The following AKAIN1 variants were observed in gnomAD, a reference collection of about 807,000 sequenced individuals.
The protein encoded by AKAIN1 is A-kinase anchor inhibitor 1, also known as A-kinase anchor protein inhibitor 1.
In AKAIN1, 3 loss-of-function variants were observed where a neutral mutation model predicts 3.7. That is an observed-to-expected ratio of 0.82 (90% CI 0.37 to 2.12). The LOEUF is 2.12. Ranked by LOEUF, AKAIN1 falls within the 30% of genes most tolerant of loss-of-function variation. The pLI is 0.06. For synonymous variants in AKAIN1, 31 were observed against 30.8 expected, an observed-to-expected ratio of 1.01 and a Z score of -0.02; for missense variants, 82 against 82.7, an observed-to-expected ratio of 0.99 and a Z score of 0.03.
intron 1 of AKAIN1, among the ~76,000 whole-genome samples, chr18:5,192,385 T>C (rs965976159): frequency 6.5e-5 from 7 of 106,990 alleles, no homozygotes; most frequent in Admixed American, 6.1e-4. Context: ...ACAGAGCTAA[T>C]TTTCTTTCTT....
chr18:5,184,833 A>G (rs537828370), intron 1 of AKAIN1, among the ~76,000 whole-genome samples: 2 of 152,222 alleles, frequency 1.3e-5, no homozygotes, highest in Non-Finnish European at 2.9e-5. Flanking sequence ...ACAGAATTAG[A>G]AAAAAACTAT....
intron 1 of AKAIN1, among the ~76,000 whole-genome samples, chr18:5,187,985 T>C (rs898777363): frequency 1.3e-5 from 2 of 152,066 alleles, no homozygotes; most frequent in African/African-American, 4.8e-5. Flanking sequence ...ATGCATAGGA[T>C]AGGCATTCCC....
In AKAIN1 at chr18:5,155,581, C is replaced by T. The variant is rs373930162; in HGVS notation, c.17-9826G>A. On this transcript the variant is annotated intron_variant, in intron 1 of 1. Coordinates refer to ENST00000434239, the MANE Select transcript of AKAIN1 (RefSeq NM_001145194.2). ...TGTAGCCCTCTATGAGAAACAAGCTCTCCTTTCCAAATGTATGAACCGCGT... is the reference window on the plus strand; with the variant it reads ...TGTAGCCCTCTATGAGAAACAAGCTTTCCTTTCCAAATGTATGAACCGCGT... Among the ~76,000 whole-genome samples, 83 of 152,292 alleles carry T rather than the reference C, an allele frequency of 5.5e-4. No homozygotes were observed. The East Asian group carries it at 0.011, about 21-fold the overall frequency.
chr18:5,166,669 A>G (rs2071169566), intron 1 of AKAIN1, among the ~76,000 whole-genome samples: 1 of 152,166 alleles, frequency 6.6e-6, no homozygotes, highest in Non-Finnish European at 1.5e-5. Context: ...AAAGAAGGTC[A>G]GAACCTGATT....
chr18:5,196,944 G>A lies in AKAIN1; in HGVS notation c.16+94C>T, dbSNP rs1240406675. ...CAGTAACTCCGAAACGCGCAGATGG[G>A]CCGTAAGGTAAAGAGGCCTTTTTTC... On this transcript the variant is annotated intron_variant, in intron 1 of 1. Coordinates refer to ENST00000434239, the MANE Select transcript of AKAIN1 (RefSeq NM_001145194.2). 4.4e-6 allele frequency: 5 copies of A among 1,129,612 alleles called. No homozygotes were observed. In the African/African-American group the frequency reaches 7.7e-5, roughly 18 times the overall value. 70.0% of individuals were successfully genotyped at this position (1,129,612 alleles called of 1,614,324 possible). A position where few individuals can be genotyped will look rare whatever the true frequency, so the allele number is the denominator to read the frequency against.
chr18:5,190,806 C>A lies in AKAIN1; in HGVS notation c.16+6232G>T, dbSNP rs367604791. ...CATATGGCAGAGAAAGAGATAATAT[C>A]TCTCATGTCTCTTTCTGTAAAGTTA... On this transcript the variant is annotated intron_variant, in intron 1 of 1. Transcript: ENST00000434239. Among the ~76,000 whole-genome samples the A allele has an allele frequency of 3.3e-5, 5 of 152,122 alleles. No homozygotes were observed. The East Asian group carries it at 7.7e-4, about 23-fold the overall frequency.
intron 1 of AKAIN1, among the ~76,000 whole-genome samples, chr18:5,173,917 G>A (rs547347507): frequency 6.6e-6 from 1 of 152,048 alleles, no homozygotes; most frequent in South Asian, 2.1e-4. Context: ...ATTAACTCTG[G>A]GCAGGCTGGG....
At position 5,193,136 on chromosome 18, in the gene AKAIN1, T is replaced by G. The variant is rs187829742; in HGVS notation, c.16+3902A>C. Among the ~76,000 whole-genome samples, 386 of 152,300 alleles carry G rather than the reference T, an allele frequency of 2.5e-3. 4 individuals are homozygous for G. The highest frequency in any genetic ancestry group is 8.9e-3 in the African/African-American group (368 of 41,568). On this transcript the variant is annotated intron_variant, in intron 1 of 1. Coordinates refer to ENST00000434239, the MANE Select transcript of AKAIN1 (RefSeq NM_001145194.2). ...TTATAAATACCTTGCAATAAATACT[T>G]TCTTATATGTATTTGGAAATTCTTT...
intron 1 of AKAIN1, among the ~76,000 whole-genome samples, chr18:5,151,537 C>T (rs1489417168): frequency 6.6e-6 from 1 of 152,182 alleles, no homozygotes; most frequent in Non-Finnish European, 1.5e-5. Context: ...AAATCAGAAG[C>T]ATTTTAGGTA....
intron 1 of AKAIN1, among the ~76,000 whole-genome samples, chr18:5,164,138 A>T (rs1485140993): frequency 6.6e-6 from 1 of 152,102 alleles, no homozygotes; most frequent in Non-Finnish European, 1.5e-5. Context: ...GAAAAAGTAC[A>T]GTGAAAAAAC....
intron 1 of AKAIN1, among the ~76,000 whole-genome samples, chr18:5,181,948 A>C (rs942536088): frequency 1.3e-5 from 2 of 152,152 alleles, no homozygotes; most frequent in Admixed American, 1.3e-4. Flanking sequence ...CCCTCACCAG[A>C]AAATCATCAT....
intron 1 of AKAIN1, among the ~76,000 whole-genome samples, chr18:5,167,665 T>C (rs1366742303): frequency 6.6e-6 from 1 of 152,116 alleles, no homozygotes. Flanking sequence ...GTAACAGTGC[T>C]TTGAGTTTTA....
At chr18:5,157,686 T>C (rs1316620607) in intron 1 of AKAIN1, among the ~76,000 whole-genome samples, 6 of 152,160 alleles carry the variant, frequency 3.9e-5, no homozygotes, top group Non-Finnish European at 8.8e-5. Flanking sequence ...AAATTTTGAC[T>C]TAGAAACTTT....
At chr18:5,152,563 C>CTGGTTGTTGTCTCTGGGTTGTCTCTGG (rs1358088630) in intron 1 of AKAIN1, among the ~76,000 whole-genome samples, 28 of 152,228 alleles carry the variant, frequency 1.8e-4, no homozygotes, top group Admixed American at 5.9e-4. Flanking sequence ...CCCAGTGTCT[C>CTGGTTGTTGTCTCTGGGTTGTCTCTGG]CACGTATTGA....
chr18:5,188,608 G>A (rs1308245127), intron 1 of AKAIN1, among the ~76,000 whole-genome samples: 1 of 151,982 alleles, frequency 6.6e-6, no homozygotes, highest in East Asian at 1.9e-4. Context: ...GCAAACCCTT[G>A]CTTGTAACCC....
At chr18:5,174,820 C>T (rs576104543) in intron 1 of AKAIN1, among the ~76,000 whole-genome samples, 1 of 152,244 alleles carries the variant, frequency 6.6e-6, no homozygotes, top group South Asian at 2.1e-4. Context: ...ACCACGGGAA[C>T]AACTCTACTG....
chr18:5,185,870 C>T (rs1006725930), intron 1 of AKAIN1, among the ~76,000 whole-genome samples: 8 of 152,168 alleles, frequency 5.3e-5, no homozygotes, highest in Non-Finnish European at 8.8e-5. Context: ...CATAAACACA[C>T]ATGCAGGTGT....
intron 1 of AKAIN1, among the ~76,000 whole-genome samples, chr18:5,185,854 T>A (rs888360661): frequency 6.6e-6 from 1 of 152,154 alleles, no homozygotes; most frequent in Non-Finnish European, 1.5e-5. Context: ...ATATAAATCA[T>A]TCTACCATAA....
chr18:5,146,423 A>T (rs1203721279), intron 1 of AKAIN1, among the ~76,000 whole-genome samples: 2 of 143,950 alleles, frequency 1.4e-5, no homozygotes, highest in East Asian at 3.9e-4. Flanking sequence ...CATGTATGTG[A>T]TGAAAATATT....
Sources: gnomAD v4.1 joint callset for allele counts (sites outside exome capture counted in the v4.1 genomes callset) on GRCh38, gnomAD v4.1.1 for gene constraint, MANE v1.5 for transcripts, NCBI Gene and HGNC (gene_info 2026-07-23, HGNC 2026-07-21) for gene names.